Variants in AP3B1 observed in about 807,000 individuals in gnomAD.
The protein encoded by AP3B1 is AP-3 complex subunit beta-1.
In AP3B1, 61 loss-of-function variants were observed where a neutral mutation model predicts 132.5. The ratio of observed to expected loss-of-function variants is 0.46; its 90% CI spans 0.37 to 0.57. AP3B1 has a LOEUF of 0.57. Ranked by LOEUF, AP3B1 falls within the 20% of genes least tolerant of loss-of-function variation. The pLI is 0.00. For synonymous variants in AP3B1, 388 were observed against 438.3 expected (o/e 0.89, Z 1.43); for missense variants, 1,120 against 1,289.4 (o/e 0.87, Z 2.01).
At chr5:78,049,597 C>T (rs926520060) in intron 22 of AP3B1, among the ~76,000 whole-genome samples, 1 of 152,154 alleles carries the variant, frequency 6.6e-6, no homozygotes, top group African/African-American at 2.4e-5. Flanking sequence ...AGGGAGTCAT[C>T]ATGGATGAAA....
intron 7 of AP3B1, among the ~76,000 whole-genome samples, chr5:78,215,157 T>A (rs529381130): frequency 6.6e-6 from 1 of 152,060 alleles, no homozygotes; most frequent in Non-Finnish European, 1.5e-5. Context: ...TCAAGGCCTG[T>A]CATAAGTATG....
At chr5:78,075,957 C>T (rs1007914285) in intron 22 of AP3B1, among the ~76,000 whole-genome samples, 3 of 152,222 alleles carry the variant, frequency 2.0e-5, no homozygotes, top group African/African-American at 7.2e-5. Flanking sequence ...CCTTCTACTT[C>T]TTGCTAAAGG....
intron 7 of AP3B1, among the ~76,000 whole-genome samples, chr5:78,215,237 A>T (rs1231824653): frequency 1.3e-5 from 2 of 151,958 alleles, no homozygotes; most frequent in Non-Finnish European, 2.9e-5. Flanking sequence ...ATTGGTTTTT[A>T]AAATCTATAA....
chr5:78,231,866 G>A (rs1455399443), intron 3 of AP3B1, among the ~76,000 whole-genome samples: 1 of 152,074 alleles, frequency 6.6e-6, no homozygotes, highest in African/African-American at 2.4e-5. Flanking sequence ...TTACTTTACA[G>A]ATAAGAAAAT....
chr5:78,262,764 C>G (rs910958098), intron 2 of AP3B1, among the ~76,000 whole-genome samples: 1 of 151,536 alleles, frequency 6.6e-6, no homozygotes, highest in Admixed American at 6.6e-5. Context: ...ATGAACACAG[C>G]TCACTCCAAG....
chr5:78,143,056 C>T (rs1212013112), intron 14 of AP3B1, among the ~76,000 whole-genome samples: 1 of 152,050 alleles, frequency 6.6e-6, no homozygotes, highest in Non-Finnish European at 1.5e-5. Flanking sequence ...AATATATGTG[C>T]AACTTCAAAT....
intron 17 of AP3B1, among the ~76,000 whole-genome samples, chr5:78,120,992 T>C (rs1330888024): frequency 6.6e-6 from 1 of 152,058 alleles, no homozygotes; most frequent in Non-Finnish European, 1.5e-5. Context: ...TAACGAACTG[T>C]CTCTCAGACC....
chr5:78,204,827 A>G (rs1561475937), intron 7 of AP3B1, among the ~76,000 whole-genome samples: 1 of 152,166 alleles, frequency 6.6e-6, no homozygotes, highest in Non-Finnish European at 1.5e-5. Context: ...AAATGCCACA[A>G]ATCTTTTCTC....
intron 22 of AP3B1, among the ~76,000 whole-genome samples, chr5:78,081,751 G>GT (rs1257658767): frequency 2.0e-5 from 3 of 152,098 alleles, no homozygotes; most frequent in African/African-American, 7.2e-5. Flanking sequence ...ACTATCTGTA[G>GT]TTTTTTCCTT....
chr5:78,170,148 G>A (rs1196537759), intron 11 of AP3B1, among the ~76,000 whole-genome samples: 1 of 152,100 alleles, frequency 6.6e-6, no homozygotes, highest in Non-Finnish European at 1.5e-5. Context: ...TCTTAATTCA[G>A]TCTATCATTG....
At chr5:78,079,777 G>A (rs1038974395) in intron 22 of AP3B1, among the ~76,000 whole-genome samples, 11 of 152,098 alleles carry the variant, frequency 7.2e-5, no homozygotes, top group Admixed American at 5.2e-4. Flanking sequence ...CTCCCCCATC[G>A]AGCATCATGA....
chr5:78,278,598 C>CA lies in AP3B1; in HGVS notation c.129-11004dup, dbSNP rs1181601782. Among the ~76,000 whole-genome samples, 43 of 10,130 alleles carry CA rather than the reference C, an allele frequency of 4.2e-3. 2 individuals are homozygous for CA. Among genetic ancestry groups the CA allele is most frequent in the East Asian group, 9.5e-3 (2 of 210 alleles). The allele number at this position is 10,130 out of a possible 152,430, so 6.6% of individuals were successfully genotyped here. On this transcript the variant is annotated intron_variant, in intron 1 of 26. Coordinates refer to ENST00000255194, the MANE Select transcript of AP3B1 (RefSeq NM_003664.5). ...TGGGCGACAGAGCGAGACTCCGTCTCAAAAAAAAAAAAAAAAAAAAAAAAA... is the reference window on the plus strand; with the variant it reads ...TGGGCGACAGAGCGAGACTCCGTCTCAAAAAAAAAAAAAAAAAAAAAAAAAA...
rs146737429 is a variant in AP3B1 at position 78,062,492 on chromosome 5, T to C, written c.2578-23218A>G. On this transcript the variant is annotated intron_variant, in intron 22 of 26. Coordinates refer to ENST00000255194, the MANE Select transcript of AP3B1 (RefSeq NM_003664.5). ...CCTAAAGTTGTCTCTCAACTTTCAATAGGTGAATTCACTAGGTAACCAAGC... is the reference window on the plus strand; with the variant it reads ...CCTAAAGTTGTCTCTCAACTTTCAACAGGTGAATTCACTAGGTAACCAAGC... 1.0e-3 allele frequency among the ~76,000 whole-genome samples: 153 copies of C among 152,334 alleles called. 1 individual carries two copies. Among genetic ancestry groups the C allele is most frequent in the Non-Finnish European group, 1.6e-3 (110 of 68,028 alleles).
chr5:78,202,408 C>T (rs1252956784), intron 7 of AP3B1, among the ~76,000 whole-genome samples: 7 of 152,082 alleles, frequency 4.6e-5, no homozygotes, highest in Non-Finnish European at 1.0e-4. Context: ...CACTAACCCT[C>T]ATAACATCAC....
chr5:78,030,121 T>G (rs1747511736), intron 24 of AP3B1, among the ~76,000 whole-genome samples: 1 of 152,166 alleles, frequency 6.6e-6, no homozygotes. Context: ...ATTCTATGTT[T>G]TTCTCTGTCT....
intron 26 of AP3B1, 143 bp from the exon 27 acceptor site, chr5:78,003,198 C>T (rs771988084): frequency 1.5e-5 from 14 of 944,576 alleles, no homozygotes; most frequent in Non-Finnish European, 2.0e-5. Context: ...AACCCAAAGC[C>T]AAGCATTCTT....
At chr5:78,075,538 T>C (rs1261779835) in intron 22 of AP3B1, among the ~76,000 whole-genome samples, 1 of 152,192 alleles carries the variant, frequency 6.6e-6, no homozygotes, top group African/African-American at 2.4e-5. Flanking sequence ...TGGCTGCCAA[T>C]TTTCGACAAT....
chr5:78,165,762 T>C (rs1580431639), intron 11 of AP3B1, 90 bp from the exon 12 acceptor site: 7 of 957,400 alleles, frequency 7.3e-6, no homozygotes. Context: ...GAAAGTTTAT[T>C]TCTACTTTTA....
intron 22 of AP3B1, among the ~76,000 whole-genome samples, chr5:78,085,652 A>G (rs531141926): frequency 6.6e-6 from 1 of 152,152 alleles, no homozygotes; most frequent in Non-Finnish European, 1.5e-5. Context: ...TTTGTTTTAA[A>G]AAGTTATCAT....
Sources: gnomAD v4.1 joint callset for allele counts (sites outside exome capture counted in the v4.1 genomes callset) on GRCh38, gnomAD v4.1.1 for gene constraint, MANE v1.5 for transcripts, NCBI Gene and HGNC (gene_info 2026-07-23, HGNC 2026-07-21) for gene names.